Variants in KLHL8 observed in about 807,000 individuals in gnomAD.
KLHL8 encodes kelch-like protein 8.
A neutral mutation model predicts 63.5 loss-of-function variants in KLHL8; 38 were observed. That is an observed-to-expected ratio of 0.60 (90% CI 0.46 to 0.78). The LOEUF (loss-of-function observed/expected upper bound fraction) is 0.78, where lower values mean the gene tolerates loss of function less well. Ranked by LOEUF, KLHL8 falls within the 30% of genes least tolerant of loss-of-function variation. The pLI is 0.00. For missense variants in KLHL8, 566 were observed against 752.4 expected, an observed-to-expected ratio of 0.75 and a Z score of 2.90; for synonymous variants, 224 against 254.3, an observed-to-expected ratio of 0.88 and a Z score of 1.13.
At chr4:87,174,630 T>G (rs957655264) in intron 6 of KLHL8, among the ~76,000 whole-genome samples, 1 of 152,198 alleles carries the variant, frequency 6.6e-6, no homozygotes, top group African/African-American at 2.4e-5. Flanking sequence ...CAATATTTAC[T>G]AAGATAGCCC....
chr4:87,184,997 A>C (rs1731195745), intron 3 of KLHL8, among the ~76,000 whole-genome samples: 1 of 152,206 alleles, frequency 6.6e-6, no homozygotes, highest in Non-Finnish European at 1.5e-5. Context: ...TAGTATCCCA[A>C]AGGAATATTT....
At chr4:87,194,633 G>A (rs1021244057) in intron 2 of KLHL8, among the ~76,000 whole-genome samples, 13 of 152,210 alleles carry the variant, frequency 8.5e-5, no homozygotes, top group Admixed American at 4.6e-4. Context: ...ATTTCACTGA[G>A]AGATAAGAAG....
upstream of KLHL8, among the ~76,000 whole-genome samples, chr4:87,221,690 C>A (rs983269325): frequency 4.6e-5 from 7 of 151,068 alleles, no homozygotes; most frequent in Non-Finnish European, 8.8e-5. Context: ...ATATATATAT[C>A]TGTATATATA....
upstream of KLHL8, chr4:87,240,432 T>C (rs921776830): frequency 5.9e-5 from 9 of 152,232 alleles, no homozygotes; most frequent in African/African-American, 2.2e-4. Context: ...TTTGTCCAGT[T>C]GTTAGGCTCT....
intron 8 of KLHL8, among the ~76,000 whole-genome samples, chr4:87,168,336 T>C (rs1032192873): frequency 1.3e-5 from 2 of 152,070 alleles, no homozygotes; most frequent in African/African-American, 4.8e-5. Flanking sequence ...TAGGGCTCAA[T>C]TTTCTGATTG....
At chr4:87,183,104 C>G in intron 4 of KLHL8, 99 bp downstream of exon 4, 1 of 754,446 alleles carries the variant, frequency 1.3e-6, no homozygotes, top group Non-Finnish European at 2.1e-6. Context: ...TTAAGGCAAT[C>G]AGACACTAAT....
At chr4:87,214,553 T>C (rs1377752489) in intron 1 of KLHL8, among the ~76,000 whole-genome samples, 2 of 150,922 alleles carry the variant, frequency 1.3e-5, no homozygotes, top group African/African-American at 4.9e-5. Flanking sequence ...CAGTTTTGGA[T>C]AATGAGGCCC....
intron 1 of KLHL8, among the ~76,000 whole-genome samples, chr4:87,196,156 T>TG (rs1212514931): frequency 6.8e-6 from 1 of 148,070 alleles, no homozygotes; most frequent in African/African-American, 2.6e-5. Flanking sequence ...ACTGGGAGTT[T>TG]TTTTTTTTTT....
chr4:87,226,795 ATATATAATATATAT>A lies in KLHL8; in HGVS notation n.58-5419_58-5406del, dbSNP rs1733007943. Among the ~76,000 whole-genome samples, 3 of 13,262 alleles carry A rather than the reference ATATATAATATATAT, an allele frequency of 2.3e-4. 1 individual carries two copies. Among genetic ancestry groups the A allele is most frequent in the African/African-American group, 1.4e-3 (3 of 2,152 alleles). The allele number at this position is 13,262 out of a possible 152,430, so 8.7% of individuals were successfully genotyped here. On this transcript the variant is annotated intron_variant and non_coding_transcript_variant, in intron 1 of 1. Transcript: ENST00000506274. ...ATATATTATATATATAATATATATTATATATAATATATATTATATATAATATATATTATTTATAA... is the reference window on the plus strand; with the variant it reads ...ATATATTATATATATAATATATATTATATATATAATATATATTATTTATAA...
At chr4:87,181,898 T>C (rs1195336776) in intron 4 of KLHL8, among the ~76,000 whole-genome samples, 1 of 152,066 alleles carries the variant, frequency 6.6e-6, no homozygotes, top group Non-Finnish European at 1.5e-5. Context: ...ACACTGACTT[T>C]CTAAATTCAC....
intron 6 of KLHL8, among the ~76,000 whole-genome samples, chr4:87,172,783 T>A (rs1372321088): frequency 6.6e-6 from 1 of 152,184 alleles, no homozygotes; most frequent in Non-Finnish European, 1.5e-5. Flanking sequence ...AGAATTACAA[T>A]AACCCTTTTT....
At chr4:87,181,136 T>C (rs1340277645) in intron 4 of KLHL8, among the ~76,000 whole-genome samples, 1 of 151,900 alleles carries the variant, frequency 6.6e-6, no homozygotes, top group Non-Finnish European at 1.5e-5. Flanking sequence ...AGAAATTTGT[T>C]TATAAGCTGG....
At chr4:87,232,463 CAAT>C (rs1733152022) in intron 1 of KLHL8, among the ~76,000 whole-genome samples, 1 of 152,126 alleles carries the variant, frequency 6.6e-6, no homozygotes, top group Non-Finnish European at 1.5e-5. Context: ...CAAGTTTTTT[CAAT>C]TACAGACAAT....
chr4:87,177,990 T>C (rs764764069), intron 5 of KLHL8, among the ~76,000 whole-genome samples: 20 of 152,182 alleles, frequency 1.3e-4, no homozygotes, highest in Non-Finnish European at 2.6e-4. Context: ...GTGTTGCAAG[T>C]GGTTTTCATT....
At chr4:87,203,578 T>A (rs1732001704) in intron 1 of KLHL8, among the ~76,000 whole-genome samples, 1 of 149,932 alleles carries the variant, frequency 6.7e-6, no homozygotes, top group South Asian at 2.1e-4. Flanking sequence ...AAATTAATCA[T>A]AACATAGCAC....
intron 1 of KLHL8, among the ~76,000 whole-genome samples, chr4:87,215,493 G>GA (rs1189965571): frequency 6.6e-6 from 1 of 151,846 alleles, no homozygotes; most frequent in East Asian, 1.9e-4. Flanking sequence ...AATATCAAAG[G>GA]AAAAAAAGAT....
In KLHL8 at chr4:87,170,103, G is replaced by A. The variant is rs747992681; in HGVS notation, c.1513C>T (p.Leu505Phe). The change falls in exon 8 of 10, where the codon CTT becomes TTT. Residue 505 changes from leucine to phenylalanine, a missense_variant. Coordinates refer to ENST00000273963, the MANE Select transcript of KLHL8 (RefSeq NM_020803.5). ...QRRAGNGVSK[L>F]HGCLYVVGGF... ...CCAACTACGTATAAGCAACCATGAA[G>A]CTTGCTAACTCCATTGCCTGCTCTT... is the stretch of plus-strand genomic sequence containing the variant. 6.2e-7 allele frequency: 1 copy of A among 1,613,960 alleles called. No individual in the cohort carries two copies. The highest frequency in any genetic ancestry group is 2.2e-5 in the East Asian group (1 of 44,870).
chr4:87,205,679 G>T (rs1416165463), intron 1 of KLHL8, among the ~76,000 whole-genome samples: 1 of 152,054 alleles, frequency 6.6e-6, no homozygotes, highest in Non-Finnish European at 1.5e-5. Context: ...GCCCAGGCTG[G>T]TCTTGAACTC....
In KLHL8 at chr4:87,162,956, AAG is replaced by A. The variant is rs1012162840; in HGVS notation, c.*561_*562del. The A allele has an allele frequency of 1.3e-5, 2 of 152,208 alleles. No individual in the cohort carries two copies. Among genetic ancestry groups the A allele is most frequent in the Non-Finnish European group, 2.9e-5 (2 of 68,032 alleles). 9.4% of individuals were successfully genotyped at this position (152,208 alleles called of 1,614,324 possible). A position where few individuals can be genotyped will look rare whatever the true frequency, so the allele number is the denominator to read the frequency against. Reference sequence around the variant, plus strand: ...AAAATGCAGCTAAGTGGCATTCAAAAAGACAGAACATTTTTTCTACTTCCGTA... The same window carrying A: ...AAAATGCAGCTAAGTGGCATTCAAAAACAGAACATTTTTTCTACTTCCGTA... On this transcript the variant is annotated 3_prime_UTR_variant, in exon 10 of 10. Coordinates refer to ENST00000273963, the MANE Select transcript of KLHL8 (RefSeq NM_020803.5).
Sources: allele counts gnomAD v4.1 joint callset (sites outside exome capture counted in the v4.1 genomes callset), GRCh38; gene constraint gnomAD v4.1.1; transcripts MANE v1.5; gene names NCBI Gene and HGNC (gene_info 2026-07-23, HGNC 2026-07-21).